The following SMPDL3A variants were observed in gnomAD, a reference collection of about 807,000 sequenced individuals.
The protein encoded by SMPDL3A is sphingomyelin phosphodiesterase acid like 3A.
A neutral mutation model predicts 38.5 loss-of-function variants in SMPDL3A; 39 were observed. The ratio of observed to expected loss-of-function variants is 1.01; its 90% CI spans 0.78 to 1.32. SMPDL3A has a LOEUF of 1.32. Among genes scored for constraint, SMPDL3A ranks in the 40% most tolerant of loss-of-function variants. The pLI is 0.00. For missense variants in SMPDL3A, 502 were observed against 536.2 expected (o/e 0.94, Z 0.63); for synonymous variants, 180 against 194.3 (o/e 0.93, Z 0.61).
Position 122,801,220 on chromosome 6 carries a change from T to C in SMPDL3A, c.472-90T>C. The C allele has an allele frequency of 9.5e-6, 8 of 845,744 alleles. No individual in the cohort carries two copies. In the South Asian group the frequency reaches 1.2e-4, roughly 13 times the overall value. The allele number at this position is 845,744 out of a possible 1,614,324, so 52.4% of individuals were successfully genotyped here. ...AATCATCCTTGCATCTCTAGATGCC[T>C]AACGTAGTAGTCAGTGCTCAAGTAG... On this transcript the variant is annotated intron_variant, in intron 3 of 7. Transcript: ENST00000368440.
intron 1 of SMPDL3A, among the ~76,000 whole-genome samples, chr6:122,791,614 T>A (rs1309919899): frequency 1.3e-5 from 2 of 152,212 alleles, no homozygotes; most frequent in Non-Finnish European, 2.9e-5. Flanking sequence ...GATTTTCTGG[T>A]ATAATTTTGA....
Position 122,809,650 on chromosome 6 carries a change from A to G in SMPDL3A, c.*242A>G, listed in dbSNP as rs896948502. The G allele has an allele frequency of 1.8e-5, 6 of 324,998 alleles. No homozygotes were observed. Among genetic ancestry groups the G allele is most frequent in the African/African-American group, 1.1e-4 (5 of 47,018 alleles). 20.1% of individuals were successfully genotyped at this position (324,998 alleles called of 1,614,324 possible). A position where few individuals can be genotyped will look rare whatever the true frequency, so the allele number is the denominator to read the frequency against. On this transcript the variant is annotated 3_prime_UTR_variant, in exon 8 of 8. Coordinates refer to ENST00000368440, the MANE Select transcript of SMPDL3A (RefSeq NM_006714.5). ...AATTGGATGTAAATATTCAGTTTATATAATTATATCTAATTTGTACCCTTG... is the reference window on the plus strand; with the variant it reads ...AATTGGATGTAAATATTCAGTTTATGTAATTATATCTAATTTGTACCCTTG...
In SMPDL3A at chr6:122,795,786, C is replaced by A; in HGVS notation, c.222C>A (p.Gly74=). Residue 74 remains glycine (G), a synonymous_variant, in exon 2 of 8, where the codon GGC becomes GGA. Coordinates refer to ENST00000368440, the MANE Select transcript of SMPDL3A (RefSeq NM_006714.5). ...SSKGANASNP[G]PFGDVLCDSP... is the part of the protein sequence containing the mutation. ...AAGGTGCAAATGCCTCCAACCCTGGCCCTTTTGGAGATGTTCTGTGTGATT... is the reference window on the plus strand; with the variant it reads ...AAGGTGCAAATGCCTCCAACCCTGGACCTTTTGGAGATGTTCTGTGTGATT... The A allele has an allele frequency of 6.2e-7, 1 of 1,614,088 alleles. No individual in the cohort carries two copies. The highest frequency in any genetic ancestry group is 8.5e-7 in the Non-Finnish European group (1 of 1,179,980).
In SMPDL3A at chr6:122,803,773, A is replaced by G; in HGVS notation, c.678A>G (p.Pro226=). 6.2e-7 allele frequency: 1 copy of G among 1,614,152 alleles called. No homozygotes were observed. The highest frequency in any genetic ancestry group is 8.5e-7 in the Non-Finnish European group (1 of 1,180,032). The change falls in exon 5 of 8, where the codon CCA becomes CCG. Residue 226 remains proline, a synonymous_variant. Coordinates refer to ENST00000368440, the MANE Select transcript of SMPDL3A (RefSeq NM_006714.5). ...TAATGACACTGAACAAGACTGACCC[A>G]GCCAACCAGTTTGAATGGCTAGAAA... is the stretch of plus-strand genomic sequence containing the variant. ...PNIMTLNKTD[P]ANQFEWLEST...
At chr6:122,794,369 G>A (rs1299798822) in intron 1 of SMPDL3A, among the ~76,000 whole-genome samples, 3 of 152,060 alleles carry the variant, frequency 2.0e-5, no homozygotes, top group Non-Finnish European at 4.4e-5. Context: ...AGGCTGGGGC[G>A]GGCACATCAC....
In SMPDL3A at chr6:122,803,740, C is replaced by T. The variant is rs140426997; in HGVS notation, c.645C>T (p.Gly215=). The T allele has an allele frequency of 5.8e-5, 94 of 1,613,840 alleles. No homozygotes were observed. The African/African-American group carries it at 1.1e-3, about 19-fold the overall frequency. ...GTCTAAACACAAACTTGTACTACGG[C>T]CCAAATATAATGACACTGAACAAGA... is the stretch of plus-strand genomic sequence containing the variant. ...IISLNTNLYY[G]PNIMTLNKTD... The change falls in exon 5 of 8, where the codon GGC becomes GGT. Residue 215 remains glycine, a synonymous_variant. Coordinates refer to ENST00000368440, the MANE Select transcript of SMPDL3A (RefSeq NM_006714.5).
At chr6:122,808,585 GCCTC>G (rs1193016658) in intron 7 of SMPDL3A, among the ~76,000 whole-genome samples, 14 of 137,904 alleles carry the variant, frequency 1.0e-4, no homozygotes, top group East Asian at 1.0e-3. Context: ...TTTTTATTGA[GCCTC>G]CCTTCCTCCC....
Position 122,795,873 on chromosome 6 carries a change from T to C in SMPDL3A, c.309T>C (p.Ser103=). 6.2e-7 allele frequency: 1 copy of C among 1,609,652 alleles called. No individual in the cohort carries two copies. Among genetic ancestry groups the C allele is most frequent in the Non-Finnish European group, 8.5e-7 (1 of 1,175,988 alleles). Residue 103 remains serine (S), a synonymous_variant, in exon 2 of 8, where the codon TCT becomes TCC. Coordinates refer to ENST00000368440, the MANE Select transcript of SMPDL3A (RefSeq NM_006714.5). ...TTAAAAATTCTGGACAAGAAGCATC[T>C]TTCATGATATGGACAGGGTAAGTGA... ...DFIKNSGQEA[S]FMIWTGDSPP...
intron 7 of SMPDL3A, among the ~76,000 whole-genome samples, chr6:122,807,853 T>G (rs893550127): frequency 1.3e-5 from 2 of 152,126 alleles, no homozygotes. Flanking sequence ...GATAAATTAG[T>G]CCAAAAGAAT....
chr6:122,797,036 A>C, intron 3 of SMPDL3A, 68 bp downstream of exon 3: 1 of 1,315,192 alleles, frequency 7.6e-7, no homozygotes, highest in Non-Finnish European at 1.1e-6. Flanking sequence ...AATTGTGACA[A>C]TAACTAGCTA....
At chr6:122,789,540 TG>T in intron 1 of SMPDL3A, 82 bp downstream of exon 1, 1 of 1,212,408 alleles carries the variant, frequency 8.2e-7, no homozygotes, top group Non-Finnish European at 1.2e-6. Flanking sequence ...AGAAAGTGCG[TG>T]GGGGCAGCTG....
intron 1 of SMPDL3A, among the ~76,000 whole-genome samples, chr6:122,794,336 G>A (rs986143338): frequency 8.5e-5 from 13 of 152,112 alleles, no homozygotes; most frequent in African/African-American, 2.9e-4. Flanking sequence ...GGTGGCTCAC[G>A]CCTGTAATCC....
At chr6:122,793,914 G>A (rs1362735604) in intron 1 of SMPDL3A, among the ~76,000 whole-genome samples, 1 of 152,046 alleles carries the variant, frequency 6.6e-6, no homozygotes, top group Non-Finnish European at 1.5e-5. Flanking sequence ...ATGCTACTTT[G>A]TCACTTCTGA....
chr6:122,807,709 C>CTT lies in SMPDL3A; in HGVS notation c.1044+1361_1044+1362dup, dbSNP rs5784724. 4.6e-3 allele frequency among the ~76,000 whole-genome samples: 688 copies of CTT among 149,672 alleles called. 5 individuals are homozygous for CTT. The highest frequency in any genetic ancestry group is 7.2e-3 in the Non-Finnish European group (484 of 67,442). ...ATTAAAGCCATTATTGGTATAACTG[C>CTT]TTTTTTTTTTCTGGATGAATTTAAA... On this transcript the variant is annotated intron_variant, in intron 7 of 7. Transcript: ENST00000368440.
chr6:122,799,656 G>A (rs1781361807), intron 3 of SMPDL3A, among the ~76,000 whole-genome samples: 1 of 152,126 alleles, frequency 6.6e-6, no homozygotes, highest in African/African-American at 2.4e-5. Context: ...CCTGATCTTG[G>A]ACACAAACTG....
At chr6:122,808,699 A>T (rs972604814) in intron 7 of SMPDL3A, among the ~76,000 whole-genome samples, 1 of 130,314 alleles carries the variant, frequency 7.7e-6, no homozygotes, top group African/African-American at 2.9e-5. Context: ...ATTGAGACAA[A>T]GTCTTGCTCT....
intron 3 of SMPDL3A, among the ~76,000 whole-genome samples, chr6:122,799,138 AC>A (rs1413429268): frequency 6.6e-6 from 1 of 152,152 alleles, no homozygotes; most frequent in African/African-American, 2.4e-5. Context: ...GCATGTCCCC[AC>A]CCATGACATC....
At chr6:122,797,610 T>A (rs771679367) in intron 3 of SMPDL3A, among the ~76,000 whole-genome samples, 1 of 152,184 alleles carries the variant, frequency 6.6e-6, no homozygotes, top group African/African-American at 2.4e-5. Context: ...AGCATCCTAT[T>A]GTAGTAGTGT....
intron 1 of SMPDL3A, chr6:122,789,732 C>T: frequency 1.3e-6 from 1 of 742,470 alleles, no homozygotes; most frequent in Non-Finnish European, 1.6e-6. Flanking sequence ...GGCCGGATTT[C>T]GCCAGCCTGG....
Sources: gnomAD v4.1 joint callset for allele counts (sites outside exome capture counted in the v4.1 genomes callset) on GRCh38, gnomAD v4.1.1 for gene constraint, MANE v1.5 for transcripts, NCBI Gene and HGNC (gene_info 2026-07-23, HGNC 2026-07-21) for gene names.